Variants in UACA observed in about 807,000 individuals in gnomAD.
UACA encodes the protein uveal autoantigen with coiled-coil domains and ankyrin repeats, also known as nuclear membrane binding protein.
In UACA, 112 loss-of-function variants were observed where a neutral mutation model predicts 160.5. The ratio of observed to expected loss-of-function variants is 0.70; its 90% CI spans 0.60 to 0.82. UACA has a LOEUF of 0.82. UACA is among the 40% of genes least tolerant of loss of function. UACA has a pLI of 0.00. For synonymous variants in UACA, 557 were observed against 568.4 expected (o/e 0.98, Z 0.29); for missense variants, 1,574 against 1,614.6 (o/e 0.97, Z 0.43).
intron 17 of UACA, 179 bp from the exon 18 acceptor site, chr15:70,660,395 T>A: frequency 1.9e-6 from 1 of 532,412 alleles, no homozygotes; most frequent in South Asian, 2.9e-5. Flanking sequence ...CAATATAAAC[T>A]TCTGTAAAGA....
chr15:70,687,853 A>G, intron 5 of UACA, 33 bp from the exon 6 acceptor site: 1 of 1,602,054 alleles, frequency 6.2e-7, no homozygotes, highest in Non-Finnish European at 8.5e-7. Context: ...ATAAATGGTG[A>G]ACATCTGTTG....
rs200933895 is a variant in UACA at position 70,657,042 on chromosome 15, G to C, written c.*14C>G. The C allele has an allele frequency of 3.7e-6, 6 of 1,611,416 alleles. No homozygotes were observed. Among genetic ancestry groups the C allele is most frequent in the Non-Finnish European group, 5.1e-6 (6 of 1,177,690 alleles). Reference sequence around the variant, plus strand: ...CAGCAAGATAAAACAGATACTGGCAGTCAGTGCTAACGGCTAGCACACAAG... The same window carrying C: ...CAGCAAGATAAAACAGATACTGGCACTCAGTGCTAACGGCTAGCACACAAG... On this transcript the variant is annotated 3_prime_UTR_variant, in exon 19 of 19. Transcript: ENST00000322954.
chr15:70,699,149 A>G (rs1898237916), intron 2 of UACA, among the ~76,000 whole-genome samples: 1 of 152,154 alleles, frequency 6.6e-6, no homozygotes, highest in African/African-American at 2.4e-5. Context: ...CAGCTCTGTG[A>G]CTTTACCTGA....
chr15:70,770,627 T>C, the UACA span, among the ~76,000 whole-genome samples: 2 of 152,226 alleles, frequency 1.3e-5, no homozygotes, highest in Middle Eastern at 3.2e-3. Context: ...GGGAGAAGCA[T>C]GTTTTATGCT....
the UACA span, among the ~76,000 whole-genome samples, chr15:70,776,512 C>A: frequency 9.2e-5 from 14 of 151,356 alleles, no homozygotes; most frequent in Admixed American, 8.6e-4. Flanking sequence ...ACTGCAACCT[C>A]CGCCTCCCAG....
chr15:70,756,748 C>T (rs1162726253), intron 1 of UACA, among the ~76,000 whole-genome samples: 1 of 152,088 alleles, frequency 6.6e-6, no homozygotes, highest in Non-Finnish European at 1.5e-5. Flanking sequence ...TGGCGGGCAG[C>T]TGTAATCCCA....
At chr15:70,768,566 G>A in the UACA span, among the ~76,000 whole-genome samples, 1 of 152,168 alleles carries the variant, frequency 6.6e-6, no homozygotes, top group Admixed American at 6.5e-5. Context: ...GGCCCTGAGT[G>A]CTTATGGTTG....
chr15:70,656,933 T>G lies in UACA; in HGVS notation c.*123A>C. 1.6e-6 allele frequency: 1 copy of G among 616,050 alleles called. No individual in the cohort carries two copies. Among genetic ancestry groups the G allele is most frequent in the Non-Finnish European group, 2.6e-6 (1 of 377,702 alleles). The allele number at this position is 616,050 out of a possible 1,614,324, so 38.2% of individuals were successfully genotyped here. The stretch of plus-strand genomic sequence containing the variant: ...CTAATTTTAAAAAAAAACCTACCAA[T>G]AGAACAAAATATATTTTATTTTAAT... On this transcript the variant is annotated 3_prime_UTR_variant, in exon 19 of 19. Transcript: ENST00000322954.
chr15:70,756,643 C>T (rs576651324), intron 1 of UACA, among the ~76,000 whole-genome samples: 4 of 152,254 alleles, frequency 2.6e-5, no homozygotes, highest in African/African-American at 9.6e-5. Context: ...GAGGCCAAGG[C>T]AGGTGGATCA....
rs762625258 is a variant in UACA, at chr15:70,699,542, A to G, written c.197T>C (p.Val66Ala). The change falls in exon 2 of 19, where the codon GTG becomes GCG. Residue 66 changes from valine to alanine, a missense_variant. Coordinates refer to ENST00000322954, the MANE Select transcript of UACA (RefSeq NM_018003.4). ...TAATACTTACACAGATCTGCCTTCC[A>G]CATCTAGTTTGCCTGGATTGACCCC... ...KKGVNPGKLDVEGRSVFHVVT... is the reference protein window; with the variant it reads ...KKGVNPGKLDAEGRSVFHVVT... 5 of 1,608,302 alleles carry G rather than the reference A, an allele frequency of 3.1e-6. No individual in the cohort carries two copies. The Admixed American group carries it at 8.5e-5, about 27-fold the overall frequency.
intron 1 of UACA, among the ~76,000 whole-genome samples, chr15:70,708,225 A>G (rs116711647): frequency 0.011 from 1,640 of 152,300 alleles, 27 homozygotes; most frequent in African/African-American, 0.038. Context: ...AAAGTAGGCA[A>G]ATTTACAGAA....
chr15:70,699,427 CT>C lies in UACA; in HGVS notation c.212+99del, dbSNP rs1243258521. The C allele has an allele frequency of 4.4e-6, 6 of 1,378,798 alleles. No individual in the cohort carries two copies. In the East Asian group the frequency reaches 1.2e-4, roughly 27 times the overall value. The allele number at this position is 1,378,798 out of a possible 1,614,324, so 85.4% of individuals were successfully genotyped here. A position where few individuals can be genotyped will look rare whatever the true frequency, so the allele number is the denominator to read the frequency against. ...TATAGTGCAGGTTTTGGCAGAATTT[CT>C]TAATAAGTAAGTTGATAACTACAAT... On this transcript the variant is annotated intron_variant, in intron 2 of 18. Coordinates refer to ENST00000322954, the MANE Select transcript of UACA (RefSeq NM_018003.4).
At chr15:70,700,657 G>T (rs767481474) in intron 1 of UACA, among the ~76,000 whole-genome samples, 59 of 151,874 alleles carry the variant, frequency 3.9e-4, no homozygotes, top group Non-Finnish European at 5.5e-4. Context: ...TACATTCAAG[G>T]TATTCTGAAG....
At chr15:70,657,576 C>T (rs1354464602) in intron 18 of UACA, among the ~76,000 whole-genome samples, 1 of 152,142 alleles carries the variant, frequency 6.6e-6, no homozygotes, top group East Asian at 1.9e-4. Flanking sequence ...GCCTGGGTGA[C>T]ATGGCGAGAC....
At chr15:70,702,182 A>G in intron 1 of UACA, 1 of 1,202,460 alleles carries the variant, frequency 8.3e-7, no homozygotes, top group Non-Finnish European at 1.0e-6. Context: ...AACTCTATCT[A>G]TTTCTTATTC....
the UACA span, among the ~76,000 whole-genome samples, chr15:70,770,406 G>A: frequency 6.6e-6 from 1 of 152,042 alleles, no homozygotes; most frequent in Non-Finnish European, 1.5e-5. Flanking sequence ...TGTCTTCATG[G>A]ATTAACCAGG....
At position 70,691,366 on chromosome 15, in the gene UACA, A is replaced by G; in HGVS notation, c.302-3T>C. 6.2e-7 allele frequency: 1 copy of G among 1,601,964 alleles called. No homozygotes were observed. The highest frequency in any genetic ancestry group is 8.5e-7 in the Non-Finnish European group (1 of 1,172,748). On this transcript the variant is annotated splice_polypyrimidine_tract_variant and splice_region_variant and intron_variant, in intron 3 of 18. Transcript: ENST00000322954. Reference sequence around the variant, plus strand: ...AGCCAGGTGAAGAGCATTTCTCCCTATAAATAATTTAAGATACATGTGAAG... The same window carrying G: ...AGCCAGGTGAAGAGCATTTCTCCCTGTAAATAATTTAAGATACATGTGAAG...
intron 1 of UACA, among the ~76,000 whole-genome samples, chr15:70,736,436 T>C (rs1302504164): frequency 1.3e-5 from 2 of 152,144 alleles, no homozygotes; most frequent in East Asian, 1.9e-4. Flanking sequence ...GTATTCAACA[T>C]GCTTTTTTTG....
At chr15:70,697,664 C>T (rs1193812370) in intron 2 of UACA, among the ~76,000 whole-genome samples, 1 of 152,080 alleles carries the variant, frequency 6.6e-6, no homozygotes, top group Admixed American at 6.5e-5. Flanking sequence ...TAACATGTCC[C>T]ACACTTGACT....
Sources: allele counts gnomAD v4.1 joint callset (sites outside exome capture counted in the v4.1 genomes callset), GRCh38; gene constraint gnomAD v4.1.1; transcripts MANE v1.5; gene names NCBI Gene and HGNC (gene_info 2026-07-23, HGNC 2026-07-21).